Variants in ARL3 observed in about 807,000 individuals in gnomAD.
ARL3 encodes the protein ARF like GTPase 3, also known as ADP-ribosylation factor-like protein 3.
ARL3 carries 9 observed loss-of-function variants against 26.0 expected under a neutral mutation model. That is an observed-to-expected ratio of 0.35 (90% CI 0.21 to 0.60). The LOEUF (loss-of-function observed/expected upper bound fraction) is 0.60. Ranked by LOEUF, ARL3 falls within the 20% of genes least tolerant of loss-of-function variation. The pLI, the probability that ARL3 is intolerant of heterozygous loss-of-function variation, is 0.78. For synonymous variants in ARL3, 71 were observed against 78.4 expected, an observed-to-expected ratio of 0.91 and a Z score of 0.50; for missense variants, 158 against 215.7, an observed-to-expected ratio of 0.73 and a Z score of 1.67.
At chr10:102,685,708 A>G (rs1364339367) in intron 5 of ARL3, 108 bp downstream of exon 5, 9 of 1,209,564 alleles carry the variant, frequency 7.4e-6, no homozygotes, top group Non-Finnish European at 6.9e-6. Flanking sequence ...CATGCCCTTC[A>G]TATCTTGGAA....
intron 3 of ARL3, among the ~76,000 whole-genome samples, chr10:102,696,288 CG>C (rs1590124447): frequency 1.6e-5 from 2 of 122,376 alleles, no homozygotes; most frequent in East Asian, 5.0e-4. Context: ...TTTTTTGAGA[CG>C]GAGTCTTGGT....
At chr10:102,688,015 T>C (rs1385581419) in intron 4 of ARL3, among the ~76,000 whole-genome samples, 1 of 152,156 alleles carries the variant, frequency 6.6e-6, no homozygotes, top group East Asian at 1.9e-4. Flanking sequence ...TCAATCTCTA[T>C]CTCTAAAACA....
chr10:102,701,492 T>C (rs1423722612), intron 2 of ARL3, among the ~76,000 whole-genome samples: 3 of 152,192 alleles, frequency 2.0e-5, no homozygotes, highest in Non-Finnish European at 2.9e-5. Flanking sequence ...AACACGCCAA[T>C]GACTGAATAC....
At chr10:102,684,072 G>A (rs984663702) in intron 5 of ARL3, among the ~76,000 whole-genome samples, 1 of 152,164 alleles carries the variant, frequency 6.6e-6, no homozygotes. Flanking sequence ...TTACGAATAT[G>A]CACACAAACT....
chr10:102,703,118 CT>C (rs1023724116), intron 2 of ARL3, among the ~76,000 whole-genome samples: 91 of 101,158 alleles, frequency 9.0e-4, no homozygotes, highest in African/African-American at 1.3e-3. Context: ...CAGGTCTTGT[CT>C]TTTTTTTTTT....
chr10:102,702,773 G>T (rs1412184104), intron 2 of ARL3, among the ~76,000 whole-genome samples: 1 of 152,124 alleles, frequency 6.6e-6, no homozygotes. Flanking sequence ...ATTTGCTTGG[G>T]CTATACATTA....
intron 2 of ARL3, among the ~76,000 whole-genome samples, chr10:102,700,015 G>A (rs898198942): frequency 1.3e-5 from 2 of 152,230 alleles, no homozygotes; most frequent in African/African-American, 2.4e-5. Flanking sequence ...AACTGAGGAT[G>A]CTATGGGGGA....
chr10:102,687,805 C>T (rs1354811038), intron 4 of ARL3, among the ~76,000 whole-genome samples: 4 of 152,054 alleles, frequency 2.6e-5, no homozygotes, highest in Non-Finnish European at 5.9e-5. Flanking sequence ...AGAATTATAG[C>T]GATGAGCCAT....
At chr10:102,711,525 G>C (rs965662850) in intron 1 of ARL3, among the ~76,000 whole-genome samples, 25 of 152,080 alleles carry the variant, frequency 1.6e-4, no homozygotes, top group Non-Finnish European at 1.5e-5. Context: ...GCCGAGGCGG[G>C]CGGATCACGA....
chr10:102,711,388 ATATG>A (rs1231805090), intron 1 of ARL3, among the ~76,000 whole-genome samples: 5 of 151,390 alleles, frequency 3.3e-5, no homozygotes, highest in Admixed American at 6.6e-5. Context: ...ATATGTATAT[ATATG>A]TATGTGTGTG....
chr10:102,693,888 T>C (rs1219708141), intron 3 of ARL3, among the ~76,000 whole-genome samples: 1 of 152,108 alleles, frequency 6.6e-6, no homozygotes, highest in Non-Finnish European at 1.5e-5. Context: ...TTGTGCAAGC[T>C]GGTCTTGAAC....
intron 2 of ARL3, among the ~76,000 whole-genome samples, chr10:102,703,476 C>A (rs1480381078): frequency 9.2e-6 from 1 of 108,446 alleles, no homozygotes; most frequent in Non-Finnish European, 1.7e-5. Context: ...TGGAGTCTCG[C>A]TCTGTCGCCC....
chr10:102,679,657 G>A lies in ARL3; in HGVS notation c.502-2716C>T, dbSNP rs569757402. 3.9e-5 allele frequency among the ~76,000 whole-genome samples: 6 copies of A among 152,268 alleles called. No individual in the cohort carries two copies. The South Asian group carries it at 6.2e-4, about 16-fold the overall frequency. The stretch of plus-strand genomic sequence containing the variant: ...TGGTTTTATCCTCCTTGTGACTTCC[G>A]CTAAAAACAGGGGCCTGAGACTGGA... On this transcript the variant is annotated intron_variant, in intron 5 of 5. Transcript: ENST00000260746.
intron 5 of ARL3, among the ~76,000 whole-genome samples, chr10:102,683,123 T>C (rs532505137): frequency 6.6e-6 from 1 of 152,268 alleles, no homozygotes; most frequent in Admixed American, 6.5e-5. Flanking sequence ...TAAGTGACTC[T>C]TTTTAAGGCA....
At chr10:102,678,217 TG>T (rs1001481202) in intron 5 of ARL3, among the ~76,000 whole-genome samples, 8 of 151,184 alleles carry the variant, frequency 5.3e-5, no homozygotes, top group African/African-American at 1.7e-4. Context: ...AGCCCGAAGG[TG>T]GACAGCACCT....
At chr10:102,680,104 C>T (rs372529237) in intron 5 of ARL3, among the ~76,000 whole-genome samples, 22 of 152,134 alleles carry the variant, frequency 1.4e-4, no homozygotes, top group African/African-American at 4.3e-4. Flanking sequence ...CCACCATGCC[C>T]GACTAATATT....
chr10:102,695,815 C>G (rs983648950), intron 3 of ARL3, among the ~76,000 whole-genome samples: 13 of 151,934 alleles, frequency 8.6e-5, no homozygotes, highest in Non-Finnish European at 1.9e-4. Flanking sequence ...TCGCACCAGG[C>G]CTGATTTAAA....
rs905603284 is a variant in ARL3 at position 102,682,768 on chromosome 10, A to C, written c.501+3048T>G. ...GTATGTGTCTGTCTTTAAACACTTG[A>C]AACTGCAACAGAAATTCCAGGTCCT... On this transcript the variant is annotated intron_variant, in intron 5 of 5. Coordinates refer to ENST00000260746, the MANE Select transcript of ARL3 (RefSeq NM_004311.4). 2.0e-5 allele frequency among the ~76,000 whole-genome samples: 3 copies of C among 152,218 alleles called. No homozygotes were observed. The East Asian group carries it at 5.8e-4, about 29-fold the overall frequency.
At chr10:102,677,153 C>T (rs557871322) in intron 5 of ARL3, among the ~76,000 whole-genome samples, 2 of 152,054 alleles carry the variant, frequency 1.3e-5, no homozygotes, top group African/African-American at 4.8e-5. Flanking sequence ...CACAAGAGGG[C>T]GATGGGAGGG....
Sources: gnomAD v4.1 joint callset for allele counts (sites outside exome capture counted in the v4.1 genomes callset) on GRCh38, gnomAD v4.1.1 for gene constraint, MANE v1.5 for transcripts, NCBI Gene and HGNC (gene_info 2026-07-23, HGNC 2026-07-21) for gene names.